XIRP2: variants seen among roughly 807,000 people sequenced by gnomAD.
XIRP2 encodes the protein xin actin binding repeat containing 2, also known as xin actin-binding repeat-containing protein 2.
In XIRP2, 236 loss-of-function variants were observed where a neutral mutation model predicts 277.0. That is an observed-to-expected ratio of 0.85 (90% CI 0.77 to 0.95). XIRP2 has a LOEUF of 0.95. Among genes scored for constraint, XIRP2 ranks in the 40% least tolerant of loss-of-function variants. The pLI is 0.00. For synonymous variants in XIRP2, 1,490 were observed against 1,416.5 expected, an observed-to-expected ratio of 1.05 and a Z score of -1.17; for missense variants, 4,640 against 4,157.5, an observed-to-expected ratio of 1.12 and a Z score of -3.19.
At position 167,243,544 on chromosome 2, in the gene XIRP2, C is replaced by T. The variant is rs1454927218; in HGVS notation, c.2152C>T (p.Leu718Phe). 1.9e-6 allele frequency: 3 copies of T among 1,613,968 alleles called. No individual in the cohort carries two copies. Among genetic ancestry groups the T allele is most frequent in the Non-Finnish European group, 2.5e-6 (3 of 1,179,990 alleles). Residue 718 changes from leucine to phenylalanine, a missense_variant, in exon 9 of 11, where the codon CTT becomes TTT. Transcript: ENST00000409195. ...AGTGGATGAGGTTCATTTACTGCAG[C>T]TTAGGTCTGAGCTCAAAGAAATTAA... ...HSVDEVHLLQ[L>F]RSELKEIKGN...
At chr2:166,983,024 T>G (rs1325538795) in intron 2 of XIRP2, among the ~76,000 whole-genome samples, 1 of 152,224 alleles carries the variant, frequency 6.6e-6, no homozygotes, top group Non-Finnish European at 1.5e-5. Flanking sequence ...ATCCACTTTC[T>G]GGTGCCTTCA....
intron 2 of XIRP2, among the ~76,000 whole-genome samples, chr2:167,127,302 CA>C (rs113014251): frequency 0.03 from 4,631 of 152,268 alleles, 77 homozygotes; most frequent in East Asian, 0.05. Context: ...TAGAGTTGTG[CA>C]TCTATCATGA....
chr2:167,042,709 C>T (rs1688689701), intron 2 of XIRP2, among the ~76,000 whole-genome samples: 1 of 152,074 alleles, frequency 6.6e-6, no homozygotes, highest in South Asian at 2.1e-4. Flanking sequence ...ATTTGTAAAA[C>T]AAGTTTGTAA....
intron 2 of XIRP2, among the ~76,000 whole-genome samples, chr2:167,025,339 C>T (rs1481541595): frequency 1.3e-5 from 2 of 152,072 alleles, no homozygotes; most frequent in African/African-American, 4.8e-5. Flanking sequence ...TTTGATTCTT[C>T]TCTCTTTTCT....
At chr2:167,190,354 C>G (rs1012795167) in intron 3 of XIRP2, among the ~76,000 whole-genome samples, 2 of 152,088 alleles carry the variant, frequency 1.3e-5, no homozygotes, top group African/African-American at 4.8e-5. Context: ...TGGCAACCAG[C>G]CCCTATCCTG....
chr2:167,037,518 GGTGT>G (rs59857626), intron 2 of XIRP2, among the ~76,000 whole-genome samples: 6,999 of 126,356 alleles, frequency 0.055, 225 homozygotes, highest in South Asian at 0.073. Flanking sequence ...TCATGTGGGG[GGTGT>G]GTGTGTGTGT....
chr2:166,987,204 G>A (rs190617812), intron 2 of XIRP2, among the ~76,000 whole-genome samples: 1 of 152,300 alleles, frequency 6.6e-6, no homozygotes, highest in Non-Finnish European at 1.5e-5. Context: ...CAAGGGAATG[G>A]AAGACTACCT....
intron 3 of XIRP2, among the ~76,000 whole-genome samples, chr2:167,149,943 A>G (rs1042746218): frequency 3.9e-5 from 6 of 152,138 alleles, no homozygotes; most frequent in Admixed American, 2.0e-4. Flanking sequence ...AAAATTAGGC[A>G]AAGTATACAA....
At chr2:167,065,317 T>C (rs1441625711) in intron 2 of XIRP2, among the ~76,000 whole-genome samples, 1 of 151,924 alleles carries the variant, frequency 6.6e-6, no homozygotes, top group Non-Finnish European at 1.5e-5. Context: ...GAAACGTCTA[T>C]TCAACTCCTT....
At chr2:167,208,408 C>T (rs1382466659) in intron 3 of XIRP2, among the ~76,000 whole-genome samples, 8 of 152,218 alleles carry the variant, frequency 5.3e-5, no homozygotes, top group Middle Eastern at 3.4e-3. Context: ...CCCGGGTTCA[C>T]GCCATTCTCC....
intron 2 of XIRP2, among the ~76,000 whole-genome samples, chr2:167,052,447 A>G (rs1415968359): frequency 6.6e-6 from 1 of 152,074 alleles, no homozygotes; most frequent in Admixed American, 6.6e-5. Flanking sequence ...CAGCTATTAT[A>G]CCATTCATAC....
intron 2 of XIRP2, among the ~76,000 whole-genome samples, chr2:167,118,037 G>C (rs981755903): frequency 7.9e-5 from 12 of 152,058 alleles, no homozygotes; most frequent in African/African-American, 2.9e-4. Flanking sequence ...TCTGGCTTTG[G>C]CATACATATT....
chr2:167,153,315 A>T (rs1574302224), intron 3 of XIRP2, among the ~76,000 whole-genome samples: 1 of 152,160 alleles, frequency 6.6e-6, no homozygotes, highest in African/African-American at 2.4e-5. Flanking sequence ...ACATTGAAAA[A>T]GTTACTTAAC....
rs564916537 is a variant in XIRP2, at chr2:167,243,497, A to G, written c.2105A>G (p.Asp702Gly). ...VRYMFETQHL[D>G]QLGQLHSVDE... Reference sequence around the variant, plus strand: ...TACATGTTTGAAACTCAACATCTAGATCAACTTGGACAGCTTCATTCAGTG... The same window carrying G: ...TACATGTTTGAAACTCAACATCTAGGTCAACTTGGACAGCTTCATTCAGTG... Residue 702 changes from aspartate to glycine, a missense_variant, in exon 9 of 11, where the codon GAT becomes GGT. Transcript: ENST00000409195. The G allele has an allele frequency of 9.3e-6, 15 of 1,614,090 alleles. No homozygotes were observed. The South Asian group carries it at 1.6e-4, about 18-fold the overall frequency.
chr2:167,004,193 A>G (rs1323724817), intron 2 of XIRP2, among the ~76,000 whole-genome samples: 1 of 151,876 alleles, frequency 6.6e-6, no homozygotes, highest in Admixed American at 6.6e-5. Context: ...AGCCATGATT[A>G]TTTATTAAGT....
intron 2 of XIRP2, among the ~76,000 whole-genome samples, chr2:167,089,012 G>C (rs145351035): frequency 1.3e-5 from 2 of 152,044 alleles, no homozygotes; most frequent in Non-Finnish European, 2.9e-5. Flanking sequence ...ACAAATGTTT[G>C]GTAAATAAAT....
intron 2 of XIRP2, among the ~76,000 whole-genome samples, chr2:167,017,609 C>A (rs994044750): frequency 1.3e-5 from 2 of 151,976 alleles, no homozygotes; most frequent in African/African-American, 4.8e-5. Context: ...AGGAAAGGCA[C>A]AAAGGACTCC....
chr2:167,215,772 T>A (rs1469223998), intron 4 of XIRP2, among the ~76,000 whole-genome samples: 1 of 152,130 alleles, frequency 6.6e-6, no homozygotes, highest in Admixed American at 6.5e-5. Context: ...CCTGTTTCCT[T>A]GAGAATTATC....
intron 2 of XIRP2, among the ~76,000 whole-genome samples, chr2:166,909,516 G>C (rs1009732046): frequency 6.6e-6 from 1 of 152,170 alleles, no homozygotes; most frequent in Non-Finnish European, 1.5e-5. Context: ...GAGATTTTGG[G>C]CTGAGACAGT....
Sources: allele counts gnomAD v4.1 joint callset (sites outside exome capture counted in the v4.1 genomes callset), GRCh38; gene constraint gnomAD v4.1.1; transcripts MANE v1.5; gene names NCBI Gene and HGNC (gene_info 2026-07-23, HGNC 2026-07-21).